Variants in TACR2 observed in about 807,000 individuals in gnomAD.
TACR2 encodes the protein substance-K receptor.
Under a neutral mutation model 28.9 loss-of-function variants are expected in TACR2, and 24 were observed. The ratio of observed to expected loss-of-function variants is 0.83; its 90% confidence interval spans 0.60 to 1.17. The LOEUF (loss-of-function observed/expected upper bound fraction) is 1.17. Ranked by LOEUF, TACR2 falls within the 50% of genes most tolerant of loss-of-function variation. TACR2 has a pLI of 0.00. For missense variants in TACR2, 487 were observed against 524.4 expected, an observed-to-expected ratio of 0.93 and a Z score of 0.70; for synonymous variants, 222 against 212.6, an observed-to-expected ratio of 1.04 and a Z score of -0.38.
At chr10:69,409,186 C>T (rs1388856370) in intron 2 of TACR2, 111 bp from the exon 3 acceptor site, 1 of 1,202,416 alleles carries the variant, frequency 8.3e-7, no homozygotes. Flanking sequence ...CCTGCGGGCC[C>T]ACCCTGGGCG....
At chr10:69,407,696 C>T (rs1042367052) in intron 3 of TACR2, among the ~76,000 whole-genome samples, 15 of 152,188 alleles carry the variant, frequency 9.9e-5, no homozygotes, top group African/African-American at 3.4e-4. Flanking sequence ...GGATCCGTAT[C>T]GGCACAGCCC....
intron 2 of TACR2, among the ~76,000 whole-genome samples, chr10:69,409,882 C>CAT (rs1840548310): frequency 8.8e-6 from 1 of 113,186 alleles, no homozygotes; most frequent in Non-Finnish European, 1.8e-5. Flanking sequence ...TATATATATA[C>CAT]ATATATACAT....
At chr10:69,409,641 T>C (rs1181123164) in intron 2 of TACR2, among the ~76,000 whole-genome samples, 1 of 151,912 alleles carries the variant, frequency 6.6e-6, no homozygotes, top group Non-Finnish European at 1.5e-5. Context: ...AATTACAGTA[T>C]ATTGTTATAC....
chr10:69,409,876 TATATAC>T (rs1368107306), intron 2 of TACR2, among the ~76,000 whole-genome samples: 5 of 16,426 alleles, frequency 3.0e-4, no homozygotes, highest in South Asian at 4.6e-3. Flanking sequence ...TATATATATA[TATATAC>T]ATATATACAT....
At chr10:69,406,954 T>C in intron 4 of TACR2, 130 bp downstream of exon 4, 1 of 920,750 alleles carries the variant, frequency 1.1e-6, no homozygotes, top group South Asian at 1.6e-5. Context: ...CTTTCTCATG[T>C]AGGCTGGGGG....
Position 69,404,890 on chromosome 10 carries a change from T to A in TACR2, c.1133A>T (p.Asp378Val). 1 of 1,613,444 alleles carries A rather than the reference T, an allele frequency of 6.2e-7. No individual in the cohort carries two copies. The highest frequency in any genetic ancestry group is 8.5e-7 in the Non-Finnish European group (1 of 1,179,580). Residue 378 changes from aspartate (D) to valine (V), a missense_variant, in exon 5 of 5, where the codon GAT becomes GTT. By Grantham distance (152) the Asp-to-Val change is radical. Transcript: ENST00000373306. ...ATSGEAGRPQ[D>V]GSGLWFGYGL... ...ATACCCAAACCATAGCCCTGATCCA[T>A]CCTGGGGACGCCCCGCCTCCCCACT...
chr10:69,404,857 A>G lies in TACR2; in HGVS notation c.1166T>C (p.Leu389Pro). ...GSGLWFGYGL[L>P]APTKTHVEI ...TTCAACATGAGTTTTGGTGGGGGCA[A>G]GCAAACCATACCCAAACCATAGCCC... is the stretch of plus-strand genomic sequence containing the variant. The change falls in exon 5 of 5, where the codon CTT becomes CCT. Residue 389 changes from leucine to proline, a missense_variant. Transcript: ENST00000373306. 2 of 1,574,310 alleles carry G rather than the reference A, an allele frequency of 1.3e-6. No homozygotes were observed. Among genetic ancestry groups the G allele is most frequent in the Non-Finnish European group, 1.7e-6 (2 of 1,155,598 alleles).
Position 69,405,098 on chromosome 10 carries a change from G to A in TACR2, c.939-14C>T, listed in dbSNP as rs1279416694. 1 of 1,610,978 alleles carries A rather than the reference G, an allele frequency of 6.2e-7. No individual in the cohort carries two copies. The highest frequency in any genetic ancestry group is 2.2e-5 in the East Asian group (1 of 44,840). On this transcript the variant is annotated splice_polypyrimidine_tract_variant and intron_variant, in intron 4 of 4. Transcript: ENST00000373306. The stretch of plus-strand genomic sequence containing the variant: ...CCAGAGCGAAACCTGGGGGAGCGAG[G>A]GGCACCTTGAGCCAGGGAGTTAGGG...
chr10:69,416,136 C>T lies in TACR2; in HGVS notation c.188G>A (p.Arg63Lys), dbSNP rs1840616551. 9 of 1,614,200 alleles carry T rather than the reference C, an allele frequency of 5.6e-6. No homozygotes were observed. Among genetic ancestry groups the T allele is most frequent in the Non-Finnish European group, 6.8e-6 (8 of 1,180,022 alleles). Residue 63 changes from arginine to lysine, a missense_variant, in exon 1 of 5, where the codon AGG (arginine) becomes AAG (lysine). By Grantham distance (26) the Arg-to-Lys change is conservative (BLOSUM62 2). Coordinates refer to ENST00000373306, the MANE Select transcript of TACR2 (RefSeq NM_001057.3). ...GAAGTAGTTGGTGACTGTGCGCATC[C>T]TCCGATGGGCCAGGATGATCCAGAT... Reference protein sequence around the residue: ...IVIWIILAHRRMRTVTNYFIV... With the variant: ...IVIWIILAHRKMRTVTNYFIV...
Position 69,407,221 on chromosome 10 carries a change from G to A in TACR2, c.801C>T (p.His267=). 6.2e-7 allele frequency: 1 copy of A among 1,613,882 alleles called. No individual in the cohort carries two copies. ...GGAAGCTGCCCAGGATGAAGTAGAG[G>A]TGGTAGGGCAGCCAGCAGATGGCAA... ...LTFAICWLPY[H]LYFILGSFQE... The change falls in exon 4 of 5, where the codon CAC becomes CAT. Residue 267 remains histidine (H), a synonymous_variant. Transcript: ENST00000373306.
rs781424764 is a variant in TACR2 at position 69,414,970 on chromosome 10, C to T, written c.562G>A (p.Asp188Asn). Residue 188 changes from aspartate (D) to asparagine (N), a missense_variant, in exon 2 of 5, where the codon GAC becomes AAC. Asp to Asn is a conservative substitution (Grantham distance 23). Coordinates refer to ENST00000373306, the MANE Select transcript of TACR2 (RefSeq NM_001057.3). ...AGGAGGAGCGTCTTGCCCCCGCTGT[C>T]TTCGGGCCAGGCCACCACGCACTTG... ...ATKCVVAWPE[D>N]SGGKTLLLYH... 6.2e-7 allele frequency: 1 copy of T among 1,613,098 alleles called. No individual in the cohort carries two copies. The highest frequency in any genetic ancestry group is 8.5e-7 in the Non-Finnish European group (1 of 1,179,534).
intron 4 of TACR2, among the ~76,000 whole-genome samples, chr10:69,406,831 GAC>G (rs897919857): frequency 1.3e-5 from 2 of 152,144 alleles, no homozygotes; most frequent in Non-Finnish European, 2.9e-5. Flanking sequence ...AGCAGGAACA[GAC>G]AGACAGTGAG....
chr10:69,409,902 T>TATAA (rs1353954244), intron 2 of TACR2, among the ~76,000 whole-genome samples: 1 of 11,928 alleles, frequency 8.4e-5, no homozygotes, highest in African/African-American at 4.1e-4. Context: ...TATATATATA[T>TATAA]ACATATATAT....
At chr10:69,410,737 A>G (rs1317379903) in intron 2 of TACR2, among the ~76,000 whole-genome samples, 1 of 152,034 alleles carries the variant, frequency 6.6e-6, no homozygotes, top group African/African-American at 2.4e-5. Flanking sequence ...TCTGATTTCT[A>G]CTTTATTTAC....
chr10:69,413,931 C>T (rs1392174280), intron 2 of TACR2, among the ~76,000 whole-genome samples: 1 of 152,142 alleles, frequency 6.6e-6, no homozygotes, highest in East Asian at 1.9e-4. Flanking sequence ...GAGCGAGGTA[C>T]TATTATGAAT....
Position 69,416,432 on chromosome 10 carries a change from G to A in TACR2, c.-109C>T. 1 of 1,465,134 alleles carries A rather than the reference G, an allele frequency of 6.8e-7. No individual in the cohort carries two copies. Among genetic ancestry groups the A allele is most frequent in the Non-Finnish European group, 9.1e-7 (1 of 1,098,604 alleles). The allele number at this position is 1,465,134 out of a possible 1,614,324, so 90.8% of individuals were successfully genotyped here. The stretch of plus-strand genomic sequence containing the variant: ...TGGGAATATGGGGGCAGGGAGAGGA[G>A]CAGATGCCAAGCGTGGTGGCACATC... On this transcript the variant is annotated 5_prime_UTR_variant, in exon 1 of 5. Coordinates refer to ENST00000373306, the MANE Select transcript of TACR2 (RefSeq NM_001057.3).
intron 2 of TACR2, among the ~76,000 whole-genome samples, chr10:69,411,810 C>T (rs962545788): frequency 6.6e-6 from 1 of 152,124 alleles, no homozygotes; most frequent in African/African-American, 2.4e-5. Context: ...ACTCTGATTC[C>T]TGAATGCTAA....
At chr10:69,405,201 A>C in intron 4 of TACR2, 117 bp from the exon 5 acceptor site, 1 of 827,374 alleles carries the variant, frequency 1.2e-6, no homozygotes, top group Non-Finnish European at 1.9e-6. Context: ...GTCTCTCTCC[A>C]AGAGCCTCCC....
Position 69,404,788 on chromosome 10 carries a change from C to T in TACR2, c.*38G>A. 1 of 1,163,124 alleles carries T rather than the reference C, an allele frequency of 8.6e-7. No individual in the cohort carries two copies. The highest frequency in any genetic ancestry group is 1.2e-6 in the Non-Finnish European group (1 of 833,222). 72.1% of individuals were successfully genotyped at this position (1,163,124 alleles called of 1,614,324 possible). On this transcript the variant is annotated 3_prime_UTR_variant, in exon 5 of 5. Coordinates refer to ENST00000373306, the MANE Select transcript of TACR2 (RefSeq NM_001057.3). Reference sequence around the variant, plus strand: ...ATCCATCCCCAATACCCAAACACCTCCCACTAACCCCTACCTCCCAACACT... The same window carrying T: ...ATCCATCCCCAATACCCAAACACCTTCCACTAACCCCTACCTCCCAACACT...
Sources: gnomAD v4.1 joint callset for allele counts (sites outside exome capture counted in the v4.1 genomes callset) on GRCh38, gnomAD v4.1.1 for gene constraint, MANE v1.5 for transcripts, NCBI Gene and HGNC (gene_info 2026-07-23, HGNC 2026-07-21) for gene names.